Variants in DDX43 observed in about 807,000 individuals in gnomAD.
DDX43 encodes DEAD-box helicase 43, also known as probable ATP-dependent RNA helicase DDX43.
A neutral mutation model predicts 84.9 loss-of-function variants in DDX43; 50 were observed. The ratio of observed to expected loss-of-function variants is 0.59; its 90% confidence interval spans 0.47 to 0.75. The LOEUF is 0.75. Ranked by LOEUF, DDX43 falls within the 30% of genes least tolerant of loss-of-function variation. The probability of loss-of-function intolerance (pLI) is 0.00; values close to 1 mark genes in which losing one functional copy is unlikely to be tolerated. For missense variants in DDX43, 689 were observed against 798.6 expected, an observed-to-expected ratio of 0.86 and a Z score of 1.65; for synonymous variants, 291 against 266.3, an observed-to-expected ratio of 1.09 and a Z score of -0.90.
rs950395752 is a variant in DDX43 at position 73,399,925 on chromosome 6, C to T, written c.307-309C>T. Among the ~76,000 whole-genome samples the T allele has an allele frequency of 3.3e-5, 5 of 152,226 alleles. No homozygotes were observed. The East Asian group carries it at 9.6e-4, about 29-fold the overall frequency. On this transcript the variant is annotated intron_variant, in intron 2 of 16. Coordinates refer to ENST00000370336, the MANE Select transcript of DDX43 (RefSeq NM_018665.3). ...AGACCTCAGAATCAAAATAATATTA[C>T]CTGTCAGGTTAGTGCCTTAATTATT...
intron 11 of DDX43, among the ~76,000 whole-genome samples, chr6:73,412,669 G>GTGCA (rs1491262351): frequency 2.7e-4 from 8 of 29,248 alleles, no homozygotes; most frequent in African/African-American, 5.2e-4. Flanking sequence ...GTGTGTGTGT[G>GTGCA]CGCGCGCGCG....
At position 73,400,368 on chromosome 6, in the gene DDX43, G is replaced by A. The variant is rs1156915824; in HGVS notation, c.436+5G>A. The A allele has an allele frequency of 6.3e-7, 1 of 1,599,714 alleles. No individual in the cohort carries two copies. Among genetic ancestry groups the A allele is most frequent in the Admixed American group, 1.8e-5 (1 of 56,584 alleles). On this transcript the variant is annotated splice_donor_5th_base_variant and intron_variant, in intron 3 of 16. Coordinates refer to ENST00000370336, the MANE Select transcript of DDX43 (RefSeq NM_018665.3). ...ACAATTCAGAATGCGGAATTGGTAA[G>A]TAATTTTCTCCCACTGAACCCCTTT...
At chr6:73,412,012 T>TA (rs1384445851) in intron 10 of DDX43, among the ~76,000 whole-genome samples, 193 bp from the exon 11 acceptor site, 8 of 152,372 alleles carry the variant, frequency 5.3e-5, no homozygotes, top group African/African-American at 1.9e-4. Flanking sequence ...ACCTATTTAT[T>TA]AAACATATTT....
At chr6:73,410,457 C>T (rs1386000189) in intron 10 of DDX43, among the ~76,000 whole-genome samples, 1 of 152,070 alleles carries the variant, frequency 6.6e-6, no homozygotes, top group Non-Finnish European at 1.5e-5. Context: ...AGCCACGATG[C>T]CCAGCCCAAG....
intron 10 of DDX43, among the ~76,000 whole-genome samples, chr6:73,411,594 T>C (rs1769785762): frequency 6.6e-6 from 1 of 152,068 alleles, no homozygotes; most frequent in South Asian, 2.1e-4. Context: ...CCTCGCAAAG[T>C]GCTGGGATTA....
chr6:73,394,834 C>G lies in DDX43; in HGVS notation c.-72C>G, dbSNP rs558198. 933,052 of 1,567,462 alleles carry G rather than the reference C, an allele frequency of 0.6. 279,345 individuals carry two copies. Among genetic ancestry groups the G allele is most frequent in the East Asian group, 0.76 (33,734 of 44,532 alleles). On this transcript the variant is annotated 5_prime_UTR_variant, in exon 1 of 17. Transcript: ENST00000370336. ...GCTGCGTGGCTTCCCTGGCACGCTA[C>G]TCTTACGACGTCACGGTCAGGTGGT...
intron 6 of DDX43, among the ~76,000 whole-genome samples, 161 bp downstream of exon 6, chr6:73,405,996 A>G (rs1355374699): frequency 6.6e-6 from 1 of 152,094 alleles, no homozygotes; most frequent in African/African-American, 2.4e-5. Flanking sequence ...GGAGCTGGGA[A>G]AGAAGGAACA....
intron 4 of DDX43, 58 bp from the exon 5 acceptor site, chr6:73,404,632 C>T: frequency 8.2e-7 from 1 of 1,223,642 alleles, no homozygotes; most frequent in Non-Finnish European, 1.2e-6. Context: ...GTAGCTTTGA[C>T]TAAGTATTCA....
At chr6:73,396,616 A>C (rs1373646492) in intron 1 of DDX43, among the ~76,000 whole-genome samples, 1 of 152,218 alleles carries the variant, frequency 6.6e-6, no homozygotes, top group East Asian at 1.9e-4. Context: ...ATTGTAAAAA[A>C]TGAAATACCC....
intron 14 of DDX43, among the ~76,000 whole-genome samples, chr6:73,415,166 C>T (rs1384037131): frequency 5.9e-5 from 9 of 152,100 alleles, no homozygotes; most frequent in East Asian, 3.9e-4. Flanking sequence ...GGCGTGGTGG[C>T]GGGCGCCTGT....
At chr6:73,398,146 G>C (rs143679235) in intron 2 of DDX43, among the ~76,000 whole-genome samples, 2 of 152,008 alleles carry the variant, frequency 1.3e-5, no homozygotes, top group East Asian at 1.9e-4. Flanking sequence ...TAACATACTA[G>C]GGTAAATTAG....
chr6:73,400,205 G>A (rs1470681708), intron 2 of DDX43, 29 bp from the exon 3 acceptor site: 1 of 1,550,408 alleles, frequency 6.4e-7, no homozygotes, highest in East Asian at 2.3e-5. Flanking sequence ...GAAATTTTAA[G>A]TCTCACCTCT....
At position 73,405,853 on chromosome 6, in the gene DDX43, A is replaced by T. The variant is rs756236701; in HGVS notation, c.807+18A>T. 6.2e-7 allele frequency: 1 copy of T among 1,607,486 alleles called. No homozygotes were observed. The highest frequency in any genetic ancestry group is 1.1e-5 in the South Asian group (1 of 90,282). ...CTATTCAGGTATGCTTTCATTAATT[A>T]CAATATTTCACTCAATGTTTTTCTT... On this transcript the variant is annotated intron_variant, in intron 6 of 16. Transcript: ENST00000370336.
intron 2 of DDX43, among the ~76,000 whole-genome samples, chr6:73,399,501 A>G (rs1160416183): frequency 6.6e-6 from 1 of 152,182 alleles, no homozygotes; most frequent in Admixed American, 6.6e-5. Context: ...CATTCTGTGT[A>G]GCTGTCCATT....
chr6:73,403,469 CAAAAAGA>C (rs201481803), intron 4 of DDX43, among the ~76,000 whole-genome samples: 4,716 of 151,076 alleles, frequency 0.031, 92 homozygotes, highest in South Asian at 0.067. Flanking sequence ...GACTCCATCT[CAAAAAGA>C]AAAAAGAAAA....
At chr6:73,412,981 G>T (rs1029922071) in intron 11 of DDX43, among the ~76,000 whole-genome samples, 4 of 152,148 alleles carry the variant, frequency 2.6e-5, no homozygotes, top group Non-Finnish European at 5.9e-5. Context: ...TGCCCCCTTG[G>T]CCTCCCAAAG....
rs1769716221 is a variant in DDX43, at chr6:73,408,046, G to A, written c.1124G>A (p.Arg375Lys). 14 of 1,611,080 alleles carry A rather than the reference G, an allele frequency of 8.7e-6. No individual in the cohort carries two copies. The highest frequency in any genetic ancestry group is 1.2e-5 in the Non-Finnish European group (14 of 1,178,788). ...GATATCATAATTGCAACTCCCGGAAGATTGAATGATCTGCAAATGAGTAAC... is the reference window on the plus strand; with the variant it reads ...GATATCATAATTGCAACTCCCGGAAAATTGAATGATCTGCAAATGAGTAAC... ...GVDIIIATPGRLNDLQMSNFV... is the reference protein window; with the variant it reads ...GVDIIIATPGKLNDLQMSNFV... The change falls in exon 9 of 17, where the codon AGA becomes AAA. Residue 375 changes from arginine (R) to lysine (K), a missense_variant. Arg to Lys is a conservative substitution (Grantham distance 26). Coordinates refer to ENST00000370336, the MANE Select transcript of DDX43 (RefSeq NM_018665.3).
chr6:73,395,937 C>A (rs1769462497), intron 1 of DDX43, among the ~76,000 whole-genome samples: 1 of 151,342 alleles, frequency 6.6e-6, no homozygotes, highest in Admixed American at 6.6e-5. Flanking sequence ...TGTTAACATT[C>A]AATTCTGAAT....
chr6:73,394,875 A>T lies in DDX43; in HGVS notation c.-31A>T. ...GTCAGGTGGTGCAGAGCTGGACGGC[A>T]ACGACGTCGGACGCGCCCCTTCTTG... is the stretch of plus-strand genomic sequence containing the variant. On this transcript the variant is annotated 5_prime_UTR_variant, in exon 1 of 17. Transcript: ENST00000370336. 1.9e-6 allele frequency: 3 copies of T among 1,610,104 alleles called. No individual in the cohort carries two copies. Among genetic ancestry groups the T allele is most frequent in the Non-Finnish European group, 2.5e-6 (3 of 1,177,734 alleles).
Sources: gnomAD v4.1 joint callset for allele counts (sites outside exome capture counted in the v4.1 genomes callset) on GRCh38, gnomAD v4.1.1 for gene constraint, MANE v1.5 for transcripts, NCBI Gene and HGNC (gene_info 2026-07-23, HGNC 2026-07-21) for gene names.